Variants in TNS3 observed in about 807,000 individuals in gnomAD.
TNS3 encodes the protein tensin 3.
A neutral mutation model predicts 140.9 loss-of-function variants in TNS3; 45 were observed. The ratio of observed to expected loss-of-function variants is 0.32; its 90% CI spans 0.25 to 0.41. The LOEUF (loss-of-function observed/expected upper bound fraction) is 0.41, where lower values mean the gene tolerates loss of function less well. Among genes scored for constraint, TNS3 ranks in the 10% least tolerant of loss-of-function variants. The pLI, the probability that TNS3 is intolerant of heterozygous loss-of-function variation, is 1.00. For synonymous variants in TNS3, 815 were observed against 788.4 expected, an observed-to-expected ratio of 1.03 and a Z score of -0.56; for missense variants, 1,716 against 1,906.7, an observed-to-expected ratio of 0.90 and a Z score of 1.86.
At chr7:47,369,688 T>A (rs1790942009) in intron 16 of TNS3, 67 bp from the exon 17 acceptor site, 3 of 1,468,572 alleles carry the variant, frequency 2.0e-6, no homozygotes, top group African/African-American at 1.4e-5. Flanking sequence ...ACCCTCTGAA[T>A]GGGCGTGTGC....
In TNS3 at chr7:47,304,862, GA is replaced by G; in HGVS notation, c.2791del (p.Ser931ProfsTer74). On this transcript the variant is annotated frameshift_variant, in exon 21 of 31. Coordinates refer to ENST00000311160, the MANE Select transcript of TNS3 (RefSeq NM_022748.12). LOFTEE classifies it high-confidence loss of function. ...TCTCCTCTGCCCAGGGCCGTTGCTG[GA>G]AATGGTGCAGGAAGAAGCAAAAGCC... ...QQAFASSCTISSNGPGQRRES... is the reference protein window; with the variant it reads ...QQAFASSCTIXSNGPGQRRES... 7.2e-7 allele frequency: 1 copy of G among 1,391,356 alleles called. No homozygotes were observed. Among genetic ancestry groups the G allele is most frequent in the Admixed American group, 2.8e-5 (1 of 35,430 alleles). The allele number at this position is 1,391,356 out of a possible 1,614,324, so 86.2% of individuals were successfully genotyped here. A position where few individuals can be genotyped will look rare whatever the true frequency, so the allele number is the denominator to read the frequency against.
rs567002664 is a variant in TNS3, at chr7:47,540,428, A to G, written c.-264-11281T>C. ...GCCCCTCCATGAGTCAGACTTTAACACCAAGTACAAGGTTCCCTGGGGGAG... is the reference window on the plus strand; with the variant it reads ...GCCCCTCCATGAGTCAGACTTTAACGCCAAGTACAAGGTTCCCTGGGGGAG... On this transcript the variant is annotated intron_variant, in intron 1 of 30. Coordinates refer to ENST00000311160, the MANE Select transcript of TNS3 (RefSeq NM_022748.12). Among the ~76,000 whole-genome samples the G allele has an allele frequency of 7.2e-5, 11 of 152,204 alleles. No individual in the cohort carries two copies. The East Asian group carries it at 1.9e-3, about 27-fold the overall frequency.
intron 4 of TNS3, among the ~76,000 whole-genome samples, chr7:47,466,688 T>C (rs1426642009): frequency 1.3e-5 from 2 of 152,170 alleles, no homozygotes; most frequent in Non-Finnish European, 2.9e-5. Context: ...GCAAGGAGGC[T>C]TACAACCCTA....
intron 20 of TNS3, among the ~76,000 whole-genome samples, chr7:47,338,668 T>C (rs1355873421): frequency 6.6e-6 from 1 of 152,166 alleles, no homozygotes; most frequent in African/African-American, 2.4e-5. Context: ...AAGGACATGA[T>C]TTGGTTCTTT....
At chr7:47,371,488 C>T (rs1791069156) in intron 16 of TNS3, among the ~76,000 whole-genome samples, 1 of 152,164 alleles carries the variant, frequency 6.6e-6, no homozygotes, top group South Asian at 2.1e-4. Context: ...TGGCCCACTG[C>T]CCACCTGCCC....
intron 27 of TNS3, 128 bp from the exon 28 acceptor site, chr7:47,283,993 G>T: frequency 1.2e-6 from 1 of 812,982 alleles, no homozygotes; most frequent in Non-Finnish European, 1.8e-6. Context: ...CCTATGCTGG[G>T]TGCATGTAAG....
intron 1 of TNS3, among the ~76,000 whole-genome samples, chr7:47,534,412 T>C (rs1799528765): frequency 1.3e-5 from 2 of 151,944 alleles, no homozygotes; most frequent in South Asian, 4.2e-4. Context: ...AAAGATATCC[T>C]CCCCCTCCTG....
At chr7:47,566,153 G>A (rs10231876) in intron 1 of TNS3, among the ~76,000 whole-genome samples, 55,330 of 151,998 alleles carry the variant, frequency 0.36, 10,268 homozygotes, top group East Asian at 0.54. Context: ...ACAGTTTCCA[G>A]GGGATGCTAA....
At chr7:47,393,660 T>A (rs753520041) in intron 16 of TNS3, among the ~76,000 whole-genome samples, 2 of 152,132 alleles carry the variant, frequency 1.3e-5, no homozygotes, top group African/African-American at 2.4e-5. Flanking sequence ...TCACCCACTA[T>A]ATCCCTGAGG....
chr7:47,450,445 C>T (rs550474238), intron 4 of TNS3, among the ~76,000 whole-genome samples: 1 of 152,332 alleles, frequency 6.6e-6, no homozygotes, highest in African/African-American at 2.4e-5. Context: ...GTGGATTTTT[C>T]TCACCCACTG....
At chr7:47,486,435 C>A (rs1488182868) in intron 3 of TNS3, among the ~76,000 whole-genome samples, 2 of 152,062 alleles carry the variant, frequency 1.3e-5, no homozygotes, top group African/African-American at 4.8e-5. Flanking sequence ...TGTGTGCACA[C>A]ACAACAAAGC....
chr7:47,506,815 G>T, intron 3 of TNS3, 92 bp downstream of exon 3: 1 of 981,984 alleles, frequency 1.0e-6, no homozygotes, highest in Non-Finnish European at 1.4e-6. Flanking sequence ...TCTTTCCGTG[G>T]CTGCAGTCCA....
At chr7:47,496,674 C>A (rs1038199794) in intron 3 of TNS3, among the ~76,000 whole-genome samples, 4 of 152,174 alleles carry the variant, frequency 2.6e-5, no homozygotes, top group Admixed American at 2.0e-4. Context: ...GAACGCCAGG[C>A]ACAGGTGAGA....
At chr7:47,504,980 C>G (rs540659307) in intron 3 of TNS3, among the ~76,000 whole-genome samples, 1 of 142,672 alleles carries the variant, frequency 7.0e-6, no homozygotes, top group Admixed American at 7.0e-5. Flanking sequence ...TTGGAATACA[C>G]TTTGAACCAA....
chr7:47,528,995 C>T (rs922285139), intron 2 of TNS3, 41 bp downstream of exon 2: 1 of 1,161,832 alleles, frequency 8.6e-7, no homozygotes, highest in African/African-American at 1.6e-5. Context: ...GTTTGTTTTG[C>T]TCTGGATTAA....
intron 16 of TNS3, among the ~76,000 whole-genome samples, chr7:47,391,981 G>A (rs1403909645): frequency 6.6e-6 from 1 of 152,180 alleles, no homozygotes; most frequent in Non-Finnish European, 1.5e-5. Context: ...ACGCCAGAAG[G>A]CTACCAGGGT....
chr7:47,462,981 C>G (rs753623859), intron 4 of TNS3, among the ~76,000 whole-genome samples: 4 of 152,120 alleles, frequency 2.6e-5, no homozygotes, highest in Non-Finnish European at 4.4e-5. Flanking sequence ...CTACAATGGA[C>G]CCTAATCAAT....
At chr7:47,506,082 G>T (rs1443638078) in intron 3 of TNS3, among the ~76,000 whole-genome samples, 1 of 152,116 alleles carries the variant, frequency 6.6e-6, no homozygotes, top group Non-Finnish European at 1.5e-5. Context: ...CTCTTCCCTG[G>T]ACCTACAGCC....
chr7:47,340,664 C>T (rs752180326), intron 20 of TNS3, among the ~76,000 whole-genome samples: 1 of 148,616 alleles, frequency 6.7e-6, no homozygotes, highest in Non-Finnish European at 1.5e-5. Flanking sequence ...TCACTGCAAG[C>T]TCCGCCTCTT....
Sources: gnomAD v4.1 joint callset for allele counts (sites outside exome capture counted in the v4.1 genomes callset) on GRCh38, gnomAD v4.1.1 for gene constraint, MANE v1.5 for transcripts, NCBI Gene and HGNC (gene_info 2026-07-23, HGNC 2026-07-21) for gene names.